USH1C: variants seen among roughly 807,000 people sequenced by gnomAD.
The protein encoded by USH1C is harmonin.
A neutral mutation model predicts 119.3 loss-of-function variants in USH1C; 90 were observed. The ratio of observed to expected loss-of-function variants is 0.75; its 90% CI spans 0.64 to 0.90. The LOEUF is 0.90. Among genes scored for constraint, USH1C ranks in the 40% least tolerant of loss-of-function variants. USH1C has a pLI of 0.00. For synonymous variants in USH1C, 465 were observed against 443.3 expected (o/e 1.05, Z -0.62); for missense variants, 1,165 against 1,167.7 (o/e 1.00, Z 0.03).
intron 25 of USH1C, 126 bp downstream of exon 25, chr11:17,496,632 A>G (rs573454807): frequency 8.4e-7 from 1 of 1,184,706 alleles, no homozygotes; most frequent in East Asian, 2.5e-5. Flanking sequence ...AGCTCTGGCT[A>G]TGAGAAGCTG....
At chr11:17,504,977 C>T (rs529545279) in intron 19 of USH1C, among the ~76,000 whole-genome samples, 2 of 152,352 alleles carry the variant, frequency 1.3e-5, no homozygotes, top group South Asian at 4.1e-4. Flanking sequence ...GCTGACGGGA[C>T]AGTTAAGGCC....
intron 23 of USH1C, among the ~76,000 whole-genome samples, chr11:17,498,546 C>A (rs950034642): frequency 6.6e-6 from 1 of 152,208 alleles, no homozygotes; most frequent in Non-Finnish European, 1.5e-5. Flanking sequence ...CAGAGGGACA[C>A]AGACCTGCAT....
intron 18 of USH1C, among the ~76,000 whole-genome samples, chr11:17,507,240 GAAGCCAACC>G (rs1192643887): frequency 6.6e-6 from 1 of 152,230 alleles, no homozygotes; most frequent in Non-Finnish European, 1.5e-5. Context: ...TGGGCCAAAT[GAAGCCAACC>G]AAGCAACAGC....
intron 18 of USH1C, among the ~76,000 whole-genome samples, chr11:17,508,004 G>A (rs1849716220): frequency 6.6e-6 from 1 of 152,174 alleles, no homozygotes; most frequent in Non-Finnish European, 1.5e-5. Flanking sequence ...GCACAGGCAT[G>A]TCAATCTCCT....
chr11:17,535,242 C>T (rs1851188381), intron 1 of USH1C, among the ~76,000 whole-genome samples: 1 of 152,218 alleles, frequency 6.6e-6, no homozygotes, highest in Non-Finnish European at 1.5e-5. Flanking sequence ...CCAATCTCCT[C>T]TCCTACCAGT....
chr11:17,527,310 T>C lies in USH1C; in HGVS notation c.409A>G (p.Ile137Val), dbSNP rs1850747142. ...CAGGAGGAGATGGAATATCCATTGA[T>C]CCGGACGATCTCGTCCCCTACCTTG... The part of the protein sequence containing the change: ...GLQVGDEIVR[I>V]NGYSISSCTH... Residue 137 changes from isoleucine (I) to valine (V), a missense_variant, in exon 5 of 27, where the codon ATC becomes GTC. Physicochemically the swap from Ile to Val is conservative, Grantham distance 29. Transcript: ENST00000005226. 6.2e-7 allele frequency: 1 copy of C among 1,612,768 alleles called. No homozygotes were observed.
In USH1C at chr11:17,526,328, G is replaced by A; in HGVS notation, c.674+19C>T. The A allele has an allele frequency of 6.2e-7, 1 of 1,607,440 alleles. No individual in the cohort carries two copies. The highest frequency in any genetic ancestry group is 8.5e-7 in the Non-Finnish European group (1 of 1,174,652). On this transcript the variant is annotated intron_variant, in intron 8 of 26. Coordinates refer to ENST00000005226, the MANE Select transcript of USH1C (RefSeq NM_153676.4). The stretch of plus-strand genomic sequence containing the variant: ...GGTGCACTGGCCACGAATGACCCCA[G>A]GGCATGCCTGCCACCCACCTGCAGC...
chr11:17,527,591 T>A (rs1850766663), intron 4 of USH1C, among the ~76,000 whole-genome samples: 1 of 152,136 alleles, frequency 6.6e-6, no homozygotes, highest in Non-Finnish European at 1.5e-5. Flanking sequence ...ACAGCGGGTG[T>A]GCAGCAGAGC....
In USH1C at chr11:17,494,183, C is replaced by T; in HGVS notation, c.*149G>A. 3 of 984,130 alleles carry T rather than the reference C, an allele frequency of 3.0e-6. No homozygotes were observed. Among genetic ancestry groups the T allele is most frequent in the South Asian group, 2.8e-5 (2 of 71,860 alleles). The allele number at this position is 984,130 out of a possible 1,614,324, so 61.0% of individuals were successfully genotyped here. ...AAGAGTGGCCCGAGCTGTTCCTTAT[C>T]TGGCCCTGGTTCAGGGCCAAAGGGA... On this transcript the variant is annotated 3_prime_UTR_variant, in exon 27 of 27. Coordinates refer to ENST00000005226, the MANE Select transcript of USH1C (RefSeq NM_153676.4).
chr11:17,495,582 T>C lies in USH1C; in HGVS notation c.2642A>G (p.Gln881Arg). 2 of 1,614,114 alleles carry C rather than the reference T, an allele frequency of 1.2e-6. No individual in the cohort carries two copies. The highest frequency in any genetic ancestry group is 1.7e-6 in the Non-Finnish European group (2 of 1,180,024). The change falls in exon 26 of 27, where the codon CAG (glutamine) becomes CGG (arginine). Residue 881 changes from glutamine to arginine, a missense_variant. By Grantham distance (43) the Gln-to-Arg change is conservative. Transcript: ENST00000005226. ...CTGCCTATTCACCGTGGGCTCCAGC[T>C]GCAGGAGGAACCCGTGTCTGTGCAC... is the stretch of plus-strand genomic sequence containing the variant. ...AAVHRHGFLLQLEPTDLLLKS... is the reference protein window; with the variant it reads ...AAVHRHGFLLRLEPTDLLLKS...
At position 17,533,382 on chromosome 11, in the gene USH1C, C is replaced by A. The variant is rs573265842; in HGVS notation, c.37-60G>T. Reference sequence around the variant, plus strand: ...CTCAGCACCCGCCCCCATAGCAGACCTCAGGGAGGAGAGGTCATCCCCAAG... The same window carrying A: ...CTCAGCACCCGCCCCCATAGCAGACATCAGGGAGGAGAGGTCATCCCCAAG... On this transcript the variant is annotated intron_variant, in intron 1 of 26. Coordinates refer to ENST00000005226, the MANE Select transcript of USH1C (RefSeq NM_153676.4). The A allele has an allele frequency of 4.9e-5, 63 of 1,288,776 alleles. 1 individual carries two copies. In the East Asian group the frequency reaches 1.4e-3, roughly 29 times the overall value. The allele number at this position is 1,288,776 out of a possible 1,614,324, so 79.8% of individuals were successfully genotyped here. A position where few individuals can be genotyped will look rare whatever the true frequency, so the allele number is the denominator to read the frequency against.
At chr11:17,517,533 G>A in intron 14 of USH1C, 2 of 1,520,728 alleles carry the variant, frequency 1.3e-6, no homozygotes, top group Non-Finnish European at 1.8e-6. Context: ...AGCCCAAGAG[G>A]CCGGAGAACC....
chr11:17,539,461 A>G (rs113743484), intron 1 of USH1C, among the ~76,000 whole-genome samples: 5,493 of 152,060 alleles, frequency 0.036, 131 homozygotes, highest in Middle Eastern at 0.095. Flanking sequence ...TGAGAGATTA[A>G]TCATTGTTTT....
chr11:17,511,962 T>C lies in USH1C; in HGVS notation c.1353A>G (p.Lys451=), dbSNP rs756818011. 1.9e-5 allele frequency: 31 copies of C among 1,614,106 alleles called. No individual in the cohort carries two copies. The East Asian group carries it at 4.2e-4, about 22-fold the overall frequency. Reference sequence around the variant, plus strand: ...CCTTCTCCAGCATTTCCTCTTTCTCTTTGTAAAGCTTTTGCTCAAACTCCA... The same window carrying C: ...CCTTCTCCAGCATTTCCTCTTTCTCCTTGTAAAGCTTTTGCTCAAACTCCA... ...KELEFEQKLY[K]EKEEMLEKEK... is the part of the protein sequence containing the mutation. The change falls in exon 16 of 27, where the codon AAA becomes AAG. Residue 451 remains lysine (K), a synonymous_variant. Transcript: ENST00000005226.
At chr11:17,494,625 G>GACTTTT (rs1414931432) in intron 26 of USH1C, 1 of 585,196 alleles carries the variant, frequency 1.7e-6, no homozygotes, top group African/African-American at 1.9e-5. Flanking sequence ...GAGGAACAGG[G>GACTTTT]GCAAGAGTCC....
intron 1 of USH1C, among the ~76,000 whole-genome samples, chr11:17,535,210 C>T (rs1198041654): frequency 6.6e-6 from 1 of 152,212 alleles, no homozygotes; most frequent in African/African-American, 2.4e-5. Context: ...AATCCAAACT[C>T]CTTACTTTGA....
chr11:17,526,974 G>T, intron 6 of USH1C, 42 bp downstream of exon 6: 1 of 1,563,254 alleles, frequency 6.4e-7, no homozygotes, highest in Non-Finnish European at 8.7e-7. Context: ...AGGATCCTGG[G>T]CCCACAGGGA....
At position 17,516,257 on chromosome 11, in the gene USH1C, A is replaced by C. The variant is rs1397713335; in HGVS notation, c.1244T>G (p.Phe415Cys). Residue 415 changes from phenylalanine to cysteine, a missense_variant, in exon 15 of 27, where the codon TTC (phenylalanine) becomes TGC (cysteine). Phe to Cys is a radical substitution (Grantham distance 205). Transcript: ENST00000005226. ...FGWFYRYDGK[F>C]PTIRKKGKDK... ...CTGTCCTACCTTCCGGATGGTTGGG[A>C]ATTTGCCATCGTAACGATAAAACCA... The C allele has an allele frequency of 5.0e-6, 8 of 1,613,736 alleles. No individual in the cohort carries two copies. Among genetic ancestry groups the C allele is most frequent in the Non-Finnish European group, 4.2e-6 (5 of 1,179,926 alleles).
In USH1C at chr11:17,531,422, A is replaced by G. The variant is rs111033279; in HGVS notation, c.225T>C (p.Asp75=). 5,262 of 1,613,964 alleles carry G rather than the reference A, an allele frequency of 3.3e-3. 140 individuals are homozygous for G. The East Asian group carries it at 0.069, about 21-fold the overall frequency. ...ACCTGGAGCGCCGGGGGGTCAGCTG[A>G]TCATATTCCACCTGGTGCTTCAGTG... is the stretch of plus-strand genomic sequence containing the variant. ...LIPLKHQVEY[D]QLTPRRSRKL... Residue 75 remains aspartate (D), a synonymous_variant, in exon 3 of 27, where the codon GAT becomes GAC. Coordinates refer to ENST00000005226, the MANE Select transcript of USH1C (RefSeq NM_153676.4). The surrounding 1 kb of genome is among the most constrained non-coding windows in gnomAD (Gnocchi z 4.2).
Sources: gnomAD v4.1 joint callset for allele counts (sites outside exome capture counted in the v4.1 genomes callset) on GRCh38, gnomAD v4.1.1 for gene constraint, Gnocchi (gnomAD v3.1) non-coding constraint, MANE v1.5 for transcripts, NCBI Gene and HGNC (gene_info 2026-07-23, HGNC 2026-07-21) for gene names.